Variants in WNK1 observed in about 807,000 individuals in gnomAD.
The protein encoded by WNK1 is WNK lysine deficient protein kinase 1.
Under a neutral mutation model 222.8 loss-of-function variants are expected in WNK1, and 38 were observed. That is an observed-to-expected ratio of 0.17 (90% CI 0.13 to 0.22). The LOEUF (loss-of-function observed/expected upper bound fraction) is 0.22. WNK1 is among the 10% of genes least tolerant of loss of function. The pLI, the probability that WNK1 is intolerant of heterozygous loss-of-function variation, is 1.00. For synonymous variants in WNK1, 1,090 were observed against 1,092.9 expected (o/e 1.00, Z 0.05); for missense variants, 2,348 against 2,918.4 (o/e 0.80, Z 4.50).
At position 797,660 on chromosome 12, in the gene WNK1, T is replaced by C. The variant is rs561288235; in HGVS notation, c.760-15982T>C. Among the ~76,000 whole-genome samples the C allele has an allele frequency of 2.0e-5, 3 of 152,128 alleles. No homozygotes were observed. The East Asian group carries it at 5.8e-4, about 29-fold the overall frequency. Reference sequence around the variant, plus strand: ...TACTCTCACTCTCTTAAAATCACTATCTGGCCAGGCGGCTGTGGCTCACAC... The same window carrying C: ...TACTCTCACTCTCTTAAAATCACTACCTGGCCAGGCGGCTGTGGCTCACAC... On this transcript the variant is annotated intron_variant, in intron 1 of 27. Coordinates refer to ENST00000315939, the MANE Select transcript of WNK1 (RefSeq NM_018979.4).
chr12:833,535 G>T (rs540152419), intron 4 of WNK1, among the ~76,000 whole-genome samples: 1 of 152,032 alleles, frequency 6.6e-6, no homozygotes, highest in Non-Finnish European at 1.5e-5. Context: ...AAGCTTTTCT[G>T]CTATCCAGTC....
intron 1 of WNK1, among the ~76,000 whole-genome samples, chr12:810,975 T>G (rs772724425): frequency 6.6e-6 from 1 of 152,142 alleles, no homozygotes; most frequent in Non-Finnish European, 1.5e-5. Flanking sequence ...CAACTTAATG[T>G]AGATGGAAAG....
At chr12:838,526 C>T (rs754873862) in intron 4 of WNK1, among the ~76,000 whole-genome samples, 4 of 152,072 alleles carry the variant, frequency 2.6e-5, no homozygotes, top group Admixed American at 1.3e-4. Context: ...GTGATTCTCC[C>T]GCCTCAGCCT....
At chr12:866,066 C>T (rs1349149499) in intron 8 of WNK1, among the ~76,000 whole-genome samples, 2 of 72,072 alleles carry the variant, frequency 2.8e-5, no homozygotes, top group African/African-American at 7.7e-5. Flanking sequence ...GCATGTGGGT[C>T]CTTGCTGCTT....
chr12:857,993 C>G (rs1950914628), intron 5 of WNK1, among the ~76,000 whole-genome samples: 1 of 152,198 alleles, frequency 6.6e-6, no homozygotes, highest in South Asian at 2.1e-4. Flanking sequence ...TCAGATGTAT[C>G]AACCGAATTA....
intron 10 of WNK1, 31 bp from the exon 11 acceptor site, chr12:879,542 C>G: frequency 2.4e-5 from 20 of 825,352 alleles, no homozygotes; most frequent in Non-Finnish European, 3.3e-5. Context: ...TTTTTTAAGC[C>G]TGTCTGTTTT....
Position 885,100 on chromosome 12 carries a change from A to G in WNK1, c.4296A>G (p.Gln1432=). The change falls in exon 19 of 28, where the codon CAA becomes CAG. Residue 1432 remains glutamine (Q), a synonymous_variant. Coordinates refer to ENST00000315939, the MANE Select transcript of WNK1 (RefSeq NM_018979.4). ...VSISTTSPSL[Q]VPTSTSEIVV... ...TATCTACTACATCCCCGTCACTTCA[A>G]GTCCCCACATCCACATCTGAGATCG... The G allele has an allele frequency of 6.2e-7, 1 of 1,614,214 alleles. No individual in the cohort carries two copies. Among genetic ancestry groups the G allele is most frequent in the Non-Finnish European group, 8.5e-7 (1 of 1,180,046 alleles).
intron 2 of WNK1, among the ~76,000 whole-genome samples, chr12:817,237 T>G (rs764507966): frequency 4.6e-5 from 7 of 152,168 alleles, no homozygotes; most frequent in Non-Finnish European, 1.0e-4. Context: ...CTCTGGAGGC[T>G]GAGGCAGAGA....
intron 26 of WNK1, among the ~76,000 whole-genome samples, chr12:907,439 A>G (rs888082960): frequency 2.6e-5 from 4 of 152,260 alleles, no homozygotes; most frequent in Non-Finnish European, 4.4e-5. Flanking sequence ...CCAATGCACA[A>G]GAAAACCTCT....
intron 8 of WNK1, among the ~76,000 whole-genome samples, chr12:862,599 G>A (rs1239191775): frequency 6.6e-6 from 1 of 152,192 alleles, no homozygotes; most frequent in Non-Finnish European, 1.5e-5. Context: ...GGCGAGAAGA[G>A]TTTTTCAAAA....
intron 2 of WNK1, among the ~76,000 whole-genome samples, chr12:821,050 T>G (rs1440087723): frequency 5.4e-5 from 6 of 111,814 alleles, no homozygotes; most frequent in Admixed American, 4.2e-4. Flanking sequence ...GAGTTTTTTT[T>G]TTTTTTTTTT....
intron 4 of WNK1, among the ~76,000 whole-genome samples, chr12:831,938 G>A (rs939325626): frequency 1.2e-4 from 18 of 151,992 alleles, no homozygotes; most frequent in African/African-American, 2.9e-4. Context: ...ATATTGCACC[G>A]AGAAGCTCAT....
chr12:875,086 A>G (rs1256351031), intron 9 of WNK1, among the ~76,000 whole-genome samples: 1 of 152,218 alleles, frequency 6.6e-6, no homozygotes, highest in Non-Finnish European at 1.5e-5. Flanking sequence ...AAAATAGGGT[A>G]CAAAAACAAA....
chr12:892,290 G>T (rs187191815), intron 22 of WNK1, among the ~76,000 whole-genome samples: 1 of 151,824 alleles, frequency 6.6e-6, no homozygotes, highest in Non-Finnish European at 1.5e-5. Context: ...TGTAAAGGGC[G>T]AGATGGTACA....
Position 814,323 on chromosome 12 carries a change from A to G in WNK1, c.932+509A>G, listed in dbSNP as rs548303732. Among the ~76,000 whole-genome samples, 7 of 115,250 alleles carry G rather than the reference A, an allele frequency of 6.1e-5. No homozygotes were observed. The South Asian group carries it at 2.1e-3, about 35-fold the overall frequency. The allele number at this position is 115,250 out of a possible 152,430, so 75.6% of individuals were successfully genotyped here. The stretch of plus-strand genomic sequence containing the variant: ...CAGCCTAGGTGAGACTCTGTCTCCA[A>G]AAAAAAAAAAAAAGAGTGGCTAAGG... On this transcript the variant is annotated intron_variant, in intron 2 of 27. Coordinates refer to ENST00000315939, the MANE Select transcript of WNK1 (RefSeq NM_018979.4).
chr12:900,294 T>C (rs1244026177), intron 25 of WNK1, among the ~76,000 whole-genome samples, 182 bp from the exon 26 acceptor site: 1 of 152,176 alleles, frequency 6.6e-6, no homozygotes, highest in African/African-American at 2.4e-5. Flanking sequence ...AGCCTATCTA[T>C]TGAGTCTTAG....
chr12:786,196 C>G (rs952948894), intron 1 of WNK1, among the ~76,000 whole-genome samples: 3 of 152,076 alleles, frequency 2.0e-5, no homozygotes, highest in African/African-American at 7.2e-5. Context: ...CCTTAGACTA[C>G]TTGATTAGCT....
At chr12:867,402 T>C (rs1951764207) in intron 8 of WNK1, among the ~76,000 whole-genome samples, 6 of 152,192 alleles carry the variant, frequency 3.9e-5, no homozygotes, top group Admixed American at 3.9e-4. Context: ...CACAGGGTAA[T>C]AAGAATATAG....
intron 16 of WNK1, 43 bp from the exon 17 acceptor site, chr12:883,731 G>C: frequency 6.2e-7 from 1 of 1,611,960 alleles, no homozygotes; most frequent in Non-Finnish European, 8.5e-7. Flanking sequence ...TAGTCATTGA[G>C]ATTGCATTTG....
Sources: allele counts gnomAD v4.1 joint callset (sites outside exome capture counted in the v4.1 genomes callset), GRCh38; gene constraint gnomAD v4.1.1; transcripts MANE v1.5; gene names NCBI Gene and HGNC (gene_info 2026-07-23, HGNC 2026-07-21).